Variants in DLG2 observed in about 807,000 individuals in gnomAD.
DLG2 encodes discs large MAGUK scaffold protein 2.
Under a neutral mutation model 132.5 loss-of-function variants are expected in DLG2, and 45 were observed. The ratio of observed to expected loss-of-function variants is 0.34; its 90% CI spans 0.27 to 0.44. The LOEUF (loss-of-function observed/expected upper bound fraction) is 0.44. Among genes scored for constraint, DLG2 ranks in the 20% least tolerant of loss-of-function variants. DLG2 has a pLI of 1.00. For missense variants in DLG2, 1,045 were observed against 1,196.9 expected (o/e 0.87, Z 1.87); for synonymous variants, 424 against 419.6 (o/e 1.01, Z -0.13).
chr11:84,174,154 A>AT (rs35818518), intron 8 of DLG2, among the ~76,000 whole-genome samples: 12,014 of 144,948 alleles, frequency 0.083, 877 homozygotes, highest in African/African-American at 0.21. Flanking sequence ...TGTTAAGGAG[A>AT]TTTTTTTTTT....
chr11:84,537,552 C>T (rs1035684393), intron 6 of DLG2, among the ~76,000 whole-genome samples: 3 of 152,122 alleles, frequency 2.0e-5, no homozygotes, highest in Admixed American at 1.3e-4. Flanking sequence ...TTTAAGTATA[C>T]GGTTCAGTAG....
intron 18 of DLG2, among the ~76,000 whole-genome samples, chr11:83,733,450 T>C (rs1566748975): frequency 6.6e-6 from 1 of 152,118 alleles, no homozygotes; most frequent in Non-Finnish European, 1.5e-5. Flanking sequence ...GATTAACTAA[T>C]GTATTTGGTA....
rs577565758 is a variant in DLG2, at chr11:84,637,355, T to C, written c.358-102624A>G. Reference sequence around the variant, plus strand: ...TATCTCTATCACAGCATTGTTTATATTGAACTGAATGTTTAATTACCTAGC... The same window carrying C: ...TATCTCTATCACAGCATTGTTTATACTGAACTGAATGTTTAATTACCTAGC... On this transcript the variant is annotated intron_variant, in intron 6 of 27. Transcript: ENST00000376104. Among the ~76,000 whole-genome samples the C allele has an allele frequency of 6.6e-4, 100 of 152,334 alleles. 1 individual carries two copies. The highest frequency in any genetic ancestry group is 2.4e-3 in the African/African-American group (99 of 41,582).
At chr11:85,493,223 T>A (rs1027102416) in intron 3 of DLG2, among the ~76,000 whole-genome samples, 7 of 152,148 alleles carry the variant, frequency 4.6e-5, no homozygotes, top group Admixed American at 3.3e-4. Flanking sequence ...ACAAGCAGAT[T>A]TTAAATGCTT....
chr11:85,291,199 T>C (rs1056211670), intron 3 of DLG2, among the ~76,000 whole-genome samples: 1 of 152,172 alleles, frequency 6.6e-6, no homozygotes, highest in Non-Finnish European at 1.5e-5. Flanking sequence ...TTACATGACT[T>C]AAGAAAATAC....
At chr11:84,178,996 A>T (rs1176660819) in intron 8 of DLG2, among the ~76,000 whole-genome samples, 1 of 152,132 alleles carries the variant, frequency 6.6e-6, no homozygotes, top group African/African-American at 2.4e-5. Context: ...ATAAGAAAGT[A>T]AGCAATAAAT....
chr11:84,153,000 T>G (rs1430966748), intron 9 of DLG2, among the ~76,000 whole-genome samples: 1 of 152,210 alleles, frequency 6.6e-6, no homozygotes, highest in Non-Finnish European at 1.5e-5. Flanking sequence ...TGATTTCTGT[T>G]TAGAACTCCC....
At chr11:83,523,965 G>A (rs1041848922) in intron 21 of DLG2, among the ~76,000 whole-genome samples, 18 of 152,132 alleles carry the variant, frequency 1.2e-4, no homozygotes, top group Admixed American at 9.8e-4. Context: ...AATGCACACA[G>A]GGCAGTTTTG....
At chr11:83,512,443 T>A (rs2095078334) in intron 21 of DLG2, among the ~76,000 whole-genome samples, 1 of 152,188 alleles carries the variant, frequency 6.6e-6, no homozygotes, top group Non-Finnish European at 1.5e-5. Flanking sequence ...TCTACAGAAA[T>A]CACATGTGCA....
chr11:84,257,317 A>G (rs2097489004), intron 7 of DLG2, among the ~76,000 whole-genome samples: 1 of 152,078 alleles, frequency 6.6e-6, no homozygotes, highest in South Asian at 2.1e-4. Context: ...TGCTAGTAGG[A>G]CCCTACTCCT....
chr11:84,476,160 G>A (rs532467824), intron 7 of DLG2, among the ~76,000 whole-genome samples: 1 of 152,020 alleles, frequency 6.6e-6, no homozygotes, highest in Non-Finnish European at 1.5e-5. Context: ...GAGAAGTTAG[G>A]AAACTTGTTC....
intron 21 of DLG2, among the ~76,000 whole-genome samples, chr11:83,492,333 T>C (rs1381709083): frequency 1.3e-5 from 2 of 152,154 alleles, no homozygotes; most frequent in East Asian, 3.9e-4. Flanking sequence ...CCATATAGCA[T>C]TTGTCCTCAG....
intron 6 of DLG2, among the ~76,000 whole-genome samples, chr11:85,062,768 T>A (rs78688559): frequency 0.037 from 5,601 of 151,742 alleles, 150 homozygotes; most frequent in African/African-American, 0.064. Context: ...AAAATGGGCA[T>A]TTTGCATGTA....
At chr11:84,526,434 G>A (rs995164343) in intron 7 of DLG2, among the ~76,000 whole-genome samples, 1 of 152,028 alleles carries the variant, frequency 6.6e-6, no homozygotes, top group African/African-American at 2.4e-5. Flanking sequence ...TTTACTAAGA[G>A]CAAGAAAAAC....
At chr11:85,335,311 C>T (rs2082053170) in intron 3 of DLG2, among the ~76,000 whole-genome samples, 1 of 151,902 alleles carries the variant, frequency 6.6e-6, no homozygotes, top group South Asian at 2.1e-4. Flanking sequence ...ATGGGTGTCA[C>T]TGCATGTGAG....
intron 15 of DLG2, among the ~76,000 whole-genome samples, chr11:83,877,158 C>T (rs2064979519): frequency 6.6e-6 from 1 of 151,946 alleles, no homozygotes; most frequent in African/African-American, 2.4e-5. Context: ...TACTAGTTTC[C>T]CCACAGTCTT....
chr11:84,489,030 C>T (rs77410096), intron 7 of DLG2, among the ~76,000 whole-genome samples: 2,313 of 152,230 alleles, frequency 0.015, 67 homozygotes, highest in African/African-American at 0.053. Context: ...CTCAGAAATA[C>T]TGAATAATTT....
chr11:83,461,996 A>G lies in DLG2; in HGVS notation c.2821+6T>C. 1 of 1,584,872 alleles carries G rather than the reference A, an allele frequency of 6.3e-7. No individual in the cohort carries two copies. Among genetic ancestry groups the G allele is most frequent in the South Asian group, 1.1e-5 (1 of 90,458 alleles). On this transcript the variant is annotated splice_donor_region_variant and intron_variant, in intron 27 of 27. Transcript: ENST00000376104. Reference sequence around the variant, plus strand: ...TCTCACACTACCAGGGTAAAAGTGAACTTACCTGTAAAATATTCTCCAAAT... The same window carrying G: ...TCTCACACTACCAGGGTAAAAGTGAGCTTACCTGTAAAATATTCTCCAAAT...
At chr11:85,280,215 C>A (rs2078142814) in intron 4 of DLG2, among the ~76,000 whole-genome samples, 1 of 151,962 alleles carries the variant, frequency 6.6e-6, no homozygotes, top group Non-Finnish European at 1.5e-5. Flanking sequence ...CAGGACTTTC[C>A]ACAAGATCAT....
Sources: gnomAD v4.1 joint callset for allele counts (sites outside exome capture counted in the v4.1 genomes callset) on GRCh38, gnomAD v4.1.1 for gene constraint, MANE v1.5 for transcripts, NCBI Gene and HGNC (gene_info 2026-07-23, HGNC 2026-07-21) for gene names.